MACROH2A1: variants seen among roughly 807,000 people sequenced by gnomAD.
The protein encoded by MACROH2A1 is macroH2A.1 histone, also known as core histone macro-H2A.1.
Under a neutral mutation model 31.6 loss-of-function variants are expected in MACROH2A1, and 2 were observed. That is an observed-to-expected ratio of 0.06 (90% CI 0.03 to 0.20). The LOEUF (loss-of-function observed/expected upper bound fraction) is 0.20, where lower values mean the gene tolerates loss of function less well. Among genes scored for constraint, MACROH2A1 ranks in the 10% least tolerant of loss-of-function variants. The pLI, the probability that MACROH2A1 is intolerant of heterozygous loss-of-function variation, is 1.00. For synonymous variants in MACROH2A1, 169 were observed against 189.6 expected (o/e 0.89, Z 0.89); for missense variants, 230 against 474.0 (o/e 0.49, Z 4.78).
At chr5:135,365,788 A>G (rs1561619316) in intron 4 of MACROH2A1, among the ~76,000 whole-genome samples, 1 of 152,176 alleles carries the variant, frequency 6.6e-6, no homozygotes. Context: ...TATCCTATAC[A>G]TTTACTTGCA....
intron 1 of MACROH2A1, among the ~76,000 whole-genome samples, chr5:135,392,659 T>C (rs1316543687): frequency 6.6e-6 from 1 of 152,206 alleles, no homozygotes; most frequent in Non-Finnish European, 1.5e-5. Context: ...CAGAGGTTTA[T>C]GCAGGTGTGG....
intron 2 of MACROH2A1, among the ~76,000 whole-genome samples, chr5:135,387,972 G>A (rs1766650511): frequency 6.6e-6 from 1 of 150,506 alleles, no homozygotes; most frequent in African/African-American, 2.5e-5. Flanking sequence ...TTGAGGTGAT[G>A]TGACCATTAA....
At chr5:135,397,363 T>C (rs1427388381) in intron 1 of MACROH2A1, among the ~76,000 whole-genome samples, 2 of 152,182 alleles carry the variant, frequency 1.3e-5, no homozygotes, top group Non-Finnish European at 2.9e-5. Context: ...GTGGCATGGT[T>C]GTATACTAGA....
intron 6 of MACROH2A1, chr5:135,350,756 T>A: frequency 2.2e-6 from 2 of 913,888 alleles, no homozygotes; most frequent in Admixed American, 1.7e-5. Context: ...TGTCAAAGGA[T>A]CAAGCTGTCT....
At chr5:135,337,017 A>G (rs1758844654) in intron 8 of MACROH2A1, among the ~76,000 whole-genome samples, 1 of 152,216 alleles carries the variant, frequency 6.6e-6, no homozygotes. Context: ...ACCTGGATCA[A>G]CGGGGGCTGC....
At chr5:135,344,931 G>A (rs1021534910) in intron 7 of MACROH2A1, 1 of 152,206 alleles carries the variant, frequency 6.6e-6, no homozygotes, top group African/African-American at 2.4e-5. Flanking sequence ...CTGGAACCCC[G>A]ATGGGAAAGG....
At chr5:135,358,922 A>G (rs1762500059) in intron 5 of MACROH2A1, 3 of 985,428 alleles carry the variant, frequency 3.0e-6, no homozygotes, top group Non-Finnish European at 3.6e-6. Flanking sequence ...GGGAGAAGCT[A>G]GCAAGATGTC....
intron 6 of MACROH2A1, chr5:135,347,521 A>T (rs1019070405): frequency 6.6e-6 from 1 of 152,270 alleles, no homozygotes; most frequent in African/African-American, 2.4e-5. Context: ...CCTGGAAAGC[A>T]GCACAGGCTT....
chr5:135,365,239 A>G (rs1167068607), intron 4 of MACROH2A1, among the ~76,000 whole-genome samples: 2 of 152,164 alleles, frequency 1.3e-5, no homozygotes, highest in Non-Finnish European at 2.9e-5. Context: ...AAAAGTATCC[A>G]TGTTACAAAA....
chr5:135,351,254 AC>A (rs1368213097), intron 6 of MACROH2A1: 1 of 174,204 alleles, frequency 5.7e-6, no homozygotes, highest in East Asian at 1.5e-4. Context: ...TGAGAAGGCT[AC>A]TAAAACATGG....
At chr5:135,359,143 G>A (rs1762530995) in intron 5 of MACROH2A1, 3 of 984,022 alleles carry the variant, frequency 3.0e-6, no homozygotes, top group Admixed American at 6.2e-5. Flanking sequence ...CCTTTGGAGT[G>A]GCTGGCAGGA....
intron 4 of MACROH2A1, chr5:135,361,076 C>T (rs1400144446): frequency 3.5e-6 from 1 of 282,784 alleles, no homozygotes; most frequent in Non-Finnish European, 6.8e-6. Flanking sequence ...TCGCTTCCAC[C>T]CTTCCTTCCT....
chr5:135,368,694 A>G (rs1763819418), intron 4 of MACROH2A1, among the ~76,000 whole-genome samples: 1 of 152,222 alleles, frequency 6.6e-6, no homozygotes, highest in Non-Finnish European at 1.5e-5. Context: ...AATGTATCCC[A>G]GTTGCCTTGT....
chr5:135,343,336 T>C lies in MACROH2A1; in HGVS notation c.877A>G (p.Thr293Ala), dbSNP rs1283748114. 4 of 1,614,112 alleles carry C rather than the reference T, an allele frequency of 2.5e-6. No homozygotes were observed. Among genetic ancestry groups the C allele is most frequent in the Non-Finnish European group, 3.4e-6 (4 of 1,180,050 alleles). The change falls in exon 8 of 9, where the codon ACA becomes GCA. Residue 293 changes from threonine to alanine, a missense_variant. Physicochemically the swap from Thr to Ala is moderately conservative, Grantham distance 58. This residue lies in a region of MACROH2A1 where 183 missense variants were observed against 319.3 expected (regional missense o/e 0.57). Coordinates refer to ENST00000511689, the MANE Select transcript of MACROH2A1 (RefSeq NM_138610.3). ...ADKCEELLEKTVKNCLALADD... is the reference protein window; with the variant it reads ...ADKCEELLEKAVKNCLALADD... The stretch of plus-strand genomic sequence containing the variant: ...GCCAGGGCCAAGCAGTTTTTCACTG[T>C]CTTTTCCAGAAGTTCTTCACACTTG...
intron 2 of MACROH2A1, among the ~76,000 whole-genome samples, chr5:135,384,449 G>C (rs1387104796): frequency 6.6e-6 from 1 of 150,836 alleles, no homozygotes; most frequent in East Asian, 1.9e-4. Context: ...CAATGGCTGG[G>C]CCTCATCCAG....
chr5:135,376,852 AT>A (rs1359977399), intron 2 of MACROH2A1, among the ~76,000 whole-genome samples: 3 of 152,210 alleles, frequency 2.0e-5, no homozygotes, highest in Non-Finnish European at 4.4e-5. Context: ...GACAAGCTTG[AT>A]TACCAGGAGA....
rs1768286725 is a variant in MACROH2A1, at chr5:135,398,224, G to C, written c.-34+838C>G. Among the ~76,000 whole-genome samples, 1 of 151,954 alleles carries C rather than the reference G, an allele frequency of 6.6e-6. No homozygotes were observed. The highest frequency in any genetic ancestry group is 1.5e-5 in the Non-Finnish European group (1 of 67,992). Reference sequence around the variant, plus strand: ...GAGTGGGGGTAGGGAGCGCCATGTCGCACACCTGTTGTCAGGTGACACTGC... The same window carrying C: ...GAGTGGGGGTAGGGAGCGCCATGTCCCACACCTGTTGTCAGGTGACACTGC... On this transcript the variant is annotated intron_variant, in intron 1 of 8. Coordinates refer to ENST00000511689, the MANE Select transcript of MACROH2A1 (RefSeq NM_138610.3). The surrounding 1 kb of genome is among the most constrained non-coding windows in gnomAD (Gnocchi z 4.6).
chr5:135,343,583 G>A (rs1306878365), intron 7 of MACROH2A1, 149 bp from the exon 8 acceptor site: 9 of 1,244,816 alleles, frequency 7.2e-6, no homozygotes, highest in Non-Finnish European at 5.5e-6. Flanking sequence ...TGTCTGCTGC[G>A]TTGTGATTCC....
intron 2 of MACROH2A1, among the ~76,000 whole-genome samples, chr5:135,374,547 A>G (rs1764604321): frequency 6.6e-6 from 1 of 152,204 alleles, no homozygotes; most frequent in Non-Finnish European, 1.5e-5. Flanking sequence ...GCTTTCTCCT[A>G]GGCTAGAACA....
Sources: allele counts gnomAD v4.1 joint callset (sites outside exome capture counted in the v4.1 genomes callset), GRCh38; gene constraint gnomAD v4.1.1; regional missense constraint gnomAD v4.1.1; non-coding constraint Gnocchi (gnomAD v3.1); transcripts MANE v1.5; gene names NCBI Gene and HGNC (gene_info 2026-07-23, HGNC 2026-07-21).